SMG7: variants seen among roughly 807,000 people sequenced by gnomAD.
SMG7 encodes nonsense-mediated mRNA decay factor SMG7.
Under a neutral mutation model 148.2 loss-of-function variants are expected in SMG7, and 34 were observed. That is an observed-to-expected ratio of 0.23 (90% CI 0.17 to 0.31). The LOEUF is 0.31. Among genes scored for constraint, SMG7 ranks in the 10% least tolerant of loss-of-function variants. The probability of loss-of-function intolerance (pLI) is 1.00; values close to 1 mark genes in which losing one functional copy is unlikely to be tolerated. For synonymous variants in SMG7, 492 were observed against 515.1 expected, an observed-to-expected ratio of 0.96 and a Z score of 0.61; for missense variants, 1,114 against 1,408.4, an observed-to-expected ratio of 0.79 and a Z score of 3.35.
intron 1 of SMG7, among the ~76,000 whole-genome samples, chr1:183,488,604 A>G (rs997864619): frequency 6.6e-6 from 1 of 150,594 alleles, no homozygotes; most frequent in African/African-American, 2.4e-5. Context: ...GCCATATTGG[A>G]TAGCTCAGTT....
intron 8 of SMG7, among the ~76,000 whole-genome samples, chr1:183,530,398 G>A (rs569609663): frequency 6.6e-6 from 1 of 152,018 alleles, no homozygotes; most frequent in Non-Finnish European, 1.5e-5. Flanking sequence ...TCGCTTTTTG[G>A]TTGATACTTT....
intron 1 of SMG7, among the ~76,000 whole-genome samples, chr1:183,477,661 T>C (rs1652859012): frequency 7.0e-6 from 1 of 142,086 alleles, no homozygotes; most frequent in Non-Finnish European, 1.5e-5. Context: ...TGTGCATATG[T>C]GTATATATGC....
In SMG7 at chr1:183,548,837, G is replaced by A. The variant is rs527806793; in HGVS notation, c.2893-371G>A. 4.7e-5 allele frequency: 9 copies of A among 191,014 alleles called. No individual in the cohort carries two copies. In the South Asian group the frequency reaches 7.2e-4, roughly 15 times the overall value. 11.8% of individuals were successfully genotyped at this position (191,014 alleles called of 1,614,324 possible). On this transcript the variant is annotated intron_variant, in intron 18 of 22. Coordinates refer to ENST00000688051, the MANE Select transcript of SMG7 (RefSeq NM_001375584.1). ...CCAATGTTAATGTTTTAAAAATTGTGGGGTGGAGAGAAACAGTGTTGGAAC... is the reference window on the plus strand; with the variant it reads ...CCAATGTTAATGTTTTAAAAATTGTAGGGTGGAGAGAAACAGTGTTGGAAC...
At chr1:183,543,795 A>C (rs1669401681) in intron 14 of SMG7, among the ~76,000 whole-genome samples, 1 of 152,090 alleles carries the variant, frequency 6.6e-6, no homozygotes, top group African/African-American at 2.4e-5. Flanking sequence ...CATCTATAGG[A>C]TCTCAGGGCC....
chr1:183,498,851 C>T lies in SMG7; in HGVS notation c.30-13986C>T, dbSNP rs189810868. 5.1e-3 allele frequency among the ~76,000 whole-genome samples: 781 copies of T among 152,286 alleles called. 1 individual carries two copies. The highest frequency in any genetic ancestry group is 8.6e-3 in the Non-Finnish European group (587 of 68,030). ...CCAGTGTGTAATGACATGTATCCAC[C>T]GTTGTATAGTACAGAGTATTTTCAC... On this transcript the variant is annotated intron_variant, in intron 1 of 22. Coordinates refer to ENST00000688051, the MANE Select transcript of SMG7 (RefSeq NM_001375584.1).
In SMG7 at chr1:183,552,764, A is replaced by G; in HGVS notation, c.*833A>G. 7.2e-7 allele frequency: 1 copy of G among 1,391,922 alleles called. No homozygotes were observed. Among genetic ancestry groups the G allele is most frequent in the Non-Finnish European group, 9.3e-7 (1 of 1,075,276 alleles). The allele number at this position is 1,391,922 out of a possible 1,614,324, so 86.2% of individuals were successfully genotyped here. A position where few individuals can be genotyped will look rare whatever the true frequency, so the allele number is the denominator to read the frequency against. ...CCTGTACATTTTACAGTCGCACAGCAAGCAGTCTCACAGAAGGCAGGCTAG... is the reference window on the plus strand; with the variant it reads ...CCTGTACATTTTACAGTCGCACAGCGAGCAGTCTCACAGAAGGCAGGCTAG... On this transcript the variant is annotated 3_prime_UTR_variant, in exon 23 of 23. Transcript: ENST00000688051.
At chr1:183,535,479 C>T (rs1376760372) in intron 10 of SMG7, among the ~76,000 whole-genome samples, 2 of 152,140 alleles carry the variant, frequency 1.3e-5, no homozygotes, top group African/African-American at 4.8e-5. Context: ...TAAAGACTAG[C>T]ATGGGATATC....
intron 1 of SMG7, among the ~76,000 whole-genome samples, chr1:183,510,834 T>C (rs1375373213): frequency 6.6e-6 from 1 of 151,976 alleles, no homozygotes; most frequent in Non-Finnish European, 1.5e-5. Flanking sequence ...AACCTTAATA[T>C]TCTCTAGCTT....
chr1:183,551,611 C>T (rs1671066122), intron 22 of SMG7, among the ~76,000 whole-genome samples: 1 of 152,168 alleles, frequency 6.6e-6, no homozygotes, highest in African/African-American at 2.4e-5. Flanking sequence ...AATGTGATTT[C>T]ACTTCTTCTG....
chr1:183,546,384 G>A (rs746190387), intron 17 of SMG7, 47 bp downstream of exon 17: 4 of 1,558,276 alleles, frequency 2.6e-6, no homozygotes, highest in Non-Finnish European at 3.5e-6. Flanking sequence ...TAGGTCTGAG[G>A]TTGACTGTCT....
chr1:183,519,483 T>C (rs1664284806), intron 4 of SMG7, among the ~76,000 whole-genome samples: 1 of 151,710 alleles, frequency 6.6e-6, no homozygotes, highest in Non-Finnish European at 1.5e-5. Context: ...GGCACGATAC[T>C]AGATGCTGAG....
chr1:183,512,806 C>CTGTTTTT, intron 1 of SMG7, 31 bp from the exon 2 acceptor site: 1 of 1,273,934 alleles, frequency 7.8e-7, no homozygotes, highest in South Asian at 1.4e-5. Flanking sequence ...CTAACTGATA[C>CTGTTTTT]TCTTTTTTTT....
At chr1:183,503,261 A>G (rs767743345) in intron 1 of SMG7, among the ~76,000 whole-genome samples, 87 of 152,350 alleles carry the variant, frequency 5.7e-4, no homozygotes, top group Non-Finnish European at 4.9e-4. Context: ...ATTAAACTAT[A>G]TTATTGTTTG....
Position 183,552,534 on chromosome 1 carries a change from T to G in SMG7, c.*603T>G. On this transcript the variant is annotated 3_prime_UTR_variant, in exon 23 of 23. Transcript: ENST00000688051. ...GGTGACAGGATGGGGAACCGACCTC[T>G]TCAGCCAGTGGAAATGTTCCATAAG... The G allele has an allele frequency of 1.0e-6, 1 of 1,002,644 alleles. No individual in the cohort carries two copies. The highest frequency in any genetic ancestry group is 1.2e-6 in the Non-Finnish European group (1 of 839,658). The allele number at this position is 1,002,644 out of a possible 1,614,324, so 62.1% of individuals were successfully genotyped here. A position where few individuals can be genotyped will look rare whatever the true frequency, so the allele number is the denominator to read the frequency against.
intron 4 of SMG7, among the ~76,000 whole-genome samples, chr1:183,522,077 C>T (rs1432031112): frequency 6.6e-6 from 1 of 152,024 alleles, no homozygotes; most frequent in Non-Finnish European, 1.5e-5. Flanking sequence ...GGAGTCAAAG[C>T]AAATACAATT....
intron 8 of SMG7, among the ~76,000 whole-genome samples, chr1:183,530,462 T>G (rs1300830202): frequency 6.6e-6 from 1 of 152,144 alleles, no homozygotes. Context: ...TTTGTTTTGT[T>G]TTAAAATATA....
At chr1:183,529,609 G>A (rs1320779071) in intron 8 of SMG7, 76 bp downstream of exon 8, 1 of 1,182,480 alleles carries the variant, frequency 8.5e-7, no homozygotes, top group East Asian at 2.4e-5. Context: ...CTGACTCCCA[G>A]TTTTTGTAGT....
At chr1:183,530,205 A>C (rs1666616555) in intron 8 of SMG7, among the ~76,000 whole-genome samples, 1 of 152,154 alleles carries the variant, frequency 6.6e-6, no homozygotes, top group Non-Finnish European at 1.5e-5. Context: ...GACAATTTCA[A>C]AGAACATTTT....
intron 1 of SMG7, among the ~76,000 whole-genome samples, chr1:183,487,608 G>A (rs1283605925): frequency 5.3e-5 from 8 of 152,206 alleles, no homozygotes; most frequent in Non-Finnish European, 1.2e-4. Context: ...CCTTGATTGT[G>A]TCAGTTACTT....
Sources: gnomAD v4.1 joint callset for allele counts (sites outside exome capture counted in the v4.1 genomes callset) on GRCh38, gnomAD v4.1.1 for gene constraint, MANE v1.5 for transcripts, NCBI Gene and HGNC (gene_info 2026-07-23, HGNC 2026-07-21) for gene names.